The following DOCK9 variants were observed in gnomAD, a reference collection of about 807,000 sequenced individuals.
DOCK9 encodes the protein dedicator of cytokinesis 9, also known as dedicator of cytokinesis protein 9.
DOCK9 carries 89 observed loss-of-function variants against 263.3 expected under a neutral mutation model. The observed-to-expected ratio is 0.34, with a 90% CI of 0.28 to 0.40. The LOEUF (loss-of-function observed/expected upper bound fraction) is 0.40. Ranked by LOEUF, DOCK9 falls within the 10% of genes least tolerant of loss-of-function variation. DOCK9 has a pLI of 1.00. For missense variants in DOCK9, 2,140 were observed against 2,603.4 expected, an observed-to-expected ratio of 0.82 and a Z score of 3.87; for synonymous variants, 976 against 973.1, an observed-to-expected ratio of 1.00 and a Z score of -0.06.
chr13:98,928,868 T>A (rs1162179733), intron 3 of DOCK9, among the ~76,000 whole-genome samples: 1 of 152,324 alleles, frequency 6.6e-6, no homozygotes, highest in East Asian at 1.9e-4. Context: ...TGTCTGGAAT[T>A]AAGTTTACTA....
At chr13:98,804,084 T>C (rs567832596) in intron 49 of DOCK9, among the ~76,000 whole-genome samples, 3 of 152,172 alleles carry the variant, frequency 2.0e-5, no homozygotes, top group Non-Finnish European at 4.4e-5. Flanking sequence ...CTTATTATGA[T>C]AGTGTGTATT....
intron 36 of DOCK9, 97 bp downstream of exon 36, chr13:98,849,950 T>G: frequency 1.2e-6 from 1 of 867,476 alleles, no homozygotes; most frequent in South Asian, 1.6e-5. Flanking sequence ...GGATGTGACA[T>G]ACACTACTCC....
chr13:98,982,502 C>T (rs1358806210), upstream of DOCK9, among the ~76,000 whole-genome samples: 1 of 152,084 alleles, frequency 6.6e-6, no homozygotes, highest in Non-Finnish European at 1.5e-5. Context: ...CAGAGTTTAC[C>T]TTTTATTAAG....
intron 1 of DOCK9, among the ~76,000 whole-genome samples, chr13:98,968,392 A>G (rs9517516): frequency 0.21 from 32,682 of 152,076 alleles, 3,910 homozygotes; most frequent in East Asian, 0.46. Flanking sequence ...AAGCTGAGGC[A>G]GGGGTATCAC....
chr13:99,061,806 T>C (rs1470980234), intron 1 of DOCK9, among the ~76,000 whole-genome samples: 5 of 152,314 alleles, frequency 3.3e-5, no homozygotes, highest in African/African-American at 1.2e-4. Flanking sequence ...TGTTTTCTAA[T>C]TTTCCTATAA....
intron 1 of DOCK9, among the ~76,000 whole-genome samples, chr13:99,031,115 GT>G (rs560005422): frequency 7.5e-6 from 1 of 133,408 alleles, no homozygotes; most frequent in African/African-American, 2.7e-5. Context: ...TGTAATTGAT[GT>G]TTTTTTTAAA....
At position 98,915,349 on chromosome 13, in the gene DOCK9, C is replaced by A. The variant is rs765831165; in HGVS notation, c.872G>T (p.Arg291Leu). 6.2e-7 allele frequency: 1 copy of A among 1,613,712 alleles called. No homozygotes were observed. The highest frequency in any genetic ancestry group is 8.5e-7 in the Non-Finnish European group (1 of 1,179,838). Residue 291 changes from arginine to leucine, a missense_variant, in exon 8 of 53, where the codon CGA becomes CTA. Transcript: ENST00000682017. The stretch of plus-strand genomic sequence containing the variant: ...TCTACCTTCGTGAGAGTCGCCATTT[C>A]GCTTTTCTTGCATTGCAGCTTCAAA... ...LNFEAAMQEK[R>L]NGDSHEDDEQ...
chr13:98,998,118 G>C (rs1881460319), intron 1 of DOCK9, among the ~76,000 whole-genome samples: 1 of 152,218 alleles, frequency 6.6e-6, no homozygotes, highest in Admixed American at 6.5e-5. Context: ...CTGTGAATGA[G>C]TCACAGATGA....
intron 2 of DOCK9, among the ~76,000 whole-genome samples, chr13:98,951,655 C>T (rs1263998387): frequency 1.3e-5 from 2 of 152,202 alleles, no homozygotes; most frequent in Non-Finnish European, 2.9e-5. Flanking sequence ...GGAAAAGTTT[C>T]TGTGGACTTA....
intron 1 of DOCK9, among the ~76,000 whole-genome samples, chr13:99,028,089 T>A (rs1365062376): frequency 1.3e-5 from 2 of 152,080 alleles, no homozygotes; most frequent in Non-Finnish European, 2.9e-5. Context: ...AATAACCCAC[T>A]CTAAAAATTT....
At chr13:99,011,868 C>T (rs531069343) in intron 1 of DOCK9, among the ~76,000 whole-genome samples, 2 of 152,204 alleles carry the variant, frequency 1.3e-5, no homozygotes, top group African/African-American at 2.4e-5. Flanking sequence ...GTCAACAGAG[C>T]TTGAGTGCAG....
intron 13 of DOCK9, among the ~76,000 whole-genome samples, chr13:98,899,046 T>C (rs2047861716): frequency 1.5e-5 from 2 of 132,266 alleles, no homozygotes; most frequent in Non-Finnish European, 3.2e-5. Flanking sequence ...TCTTTTACAT[T>C]ACTTAATTTT....
At chr13:98,868,055 T>C (rs1364374158) in intron 28 of DOCK9, 44 bp from the exon 29 acceptor site, 1 of 1,587,156 alleles carries the variant, frequency 6.3e-7, no homozygotes, top group African/African-American at 1.3e-5. Flanking sequence ...GGTCCAAACA[T>C]TTCGGAAATT....
At chr13:99,057,584 T>C (rs185331324) in intron 1 of DOCK9, among the ~76,000 whole-genome samples, 2 of 152,250 alleles carry the variant, frequency 1.3e-5, no homozygotes, top group Admixed American at 1.3e-4. Context: ...ATTTAACACC[T>C]AAAGGTTTCC....
At chr13:98,962,425 C>G (rs1461723826) in intron 1 of DOCK9, among the ~76,000 whole-genome samples, 1 of 152,122 alleles carries the variant, frequency 6.6e-6, no homozygotes, top group African/African-American at 2.4e-5. Flanking sequence ...CTCACAAAAC[C>G]TGACTCTGCC....
At chr13:98,979,526 C>T (rs1166688544), upstream of DOCK9, among the ~76,000 whole-genome samples, 2 of 152,082 alleles carry the variant, frequency 1.3e-5, no homozygotes, top group African/African-American at 4.8e-5. Flanking sequence ...GTCTCTGCCA[C>T]TTGAACACCA....
At chr13:98,814,148 T>C (rs541277817) in intron 45 of DOCK9, among the ~76,000 whole-genome samples, 1 of 152,338 alleles carries the variant, frequency 6.6e-6, no homozygotes, top group African/African-American at 2.4e-5. Flanking sequence ...GAAAACGCTA[T>C]CTAAGCAAGA....
rs2089558527 is a variant in DOCK9, at chr13:98,797,433, C to T, written c.5973G>A (p.Lys1991=). 2 of 1,613,628 alleles carry T rather than the reference C, an allele frequency of 1.2e-6. No individual in the cohort carries two copies. Among genetic ancestry groups the T allele is most frequent in the South Asian group, 2.2e-5 (2 of 90,938 alleles). ...ARAFLDDTNT[K]RYPDNKVKLL... ...GCTTCACTTTATTGTCAGGATATCG[C>T]TTTGTGTTTGTATCATCTAAGAAAG... Residue 1991 remains lysine, a synonymous_variant, in exon 51 of 53, where the codon AAG becomes AAA. Coordinates refer to ENST00000682017, the MANE Select transcript of DOCK9 (RefSeq NM_001366683.2).
At chr13:99,062,426 G>A (rs1360389147) in intron 1 of DOCK9, among the ~76,000 whole-genome samples, 1 of 152,158 alleles carries the variant, frequency 6.6e-6, no homozygotes, top group African/African-American at 2.4e-5. Context: ...TTTGTCATGT[G>A]TTATAGATCT....
Sources: allele counts gnomAD v4.1 joint callset (sites outside exome capture counted in the v4.1 genomes callset), GRCh38; gene constraint gnomAD v4.1.1; transcripts MANE v1.5; gene names NCBI Gene and HGNC (gene_info 2026-07-23, HGNC 2026-07-21).